ACTR3C: variants seen among roughly 807,000 people sequenced by gnomAD.
ACTR3C encodes the protein actin related protein 3C.
A neutral mutation model predicts 26.3 loss-of-function variants in ACTR3C; 18 were observed. The ratio of observed to expected loss-of-function variants is 0.68; its 90% CI spans 0.47 to 1.01. ACTR3C has a LOEUF of 1.01. Among genes scored for constraint, ACTR3C ranks in the 50% least tolerant of loss-of-function variants. The probability of loss-of-function intolerance (pLI) is 0.00; values close to 1 mark genes in which losing one functional copy is unlikely to be tolerated. For synonymous variants in ACTR3C, 55 were observed against 94.5 expected (o/e 0.58, Z 2.42); for missense variants, 184 against 250.7 (o/e 0.73, Z 1.80).
chr7:150,053,707 CAG>C, the ACTR3C span, among the ~76,000 whole-genome samples: 1 of 152,258 alleles, frequency 6.6e-6, no homozygotes, highest in African/African-American at 2.4e-5. Flanking sequence ...GCAAAACAAA[CAG>C]AGCCAGTGTC....
chr7:149,966,939 G>A, the ACTR3C span, among the ~76,000 whole-genome samples: 1 of 150,124 alleles, frequency 6.7e-6, no homozygotes, highest in Non-Finnish European at 1.5e-5. Flanking sequence ...TCGGCTCACT[G>A]CAACCTCCAC....
the ACTR3C span, among the ~76,000 whole-genome samples, chr7:150,224,919 C>T: frequency 1.3e-5 from 2 of 151,874 alleles, no homozygotes; most frequent in Non-Finnish European, 2.9e-5. Flanking sequence ...CAATACTACT[C>T]TTATTTATTT....
the ACTR3C span, among the ~76,000 whole-genome samples, chr7:150,165,092 T>G: frequency 8.3e-4 from 127 of 152,308 alleles, no homozygotes; most frequent in Middle Eastern, 6.8e-3. Flanking sequence ...GCCAAGCTAA[T>G]TTGGCACCAT....
At chr7:150,105,289 A>G in the ACTR3C span, among the ~76,000 whole-genome samples, 1 of 151,682 alleles carries the variant, frequency 6.6e-6, no homozygotes, top group African/African-American at 2.4e-5. Context: ...TCACCGTGTT[A>G]GACAGGATGG....
At chr7:149,969,406 C>A in the ACTR3C span, among the ~76,000 whole-genome samples, 1 of 151,938 alleles carries the variant, frequency 6.6e-6, no homozygotes, top group Non-Finnish European at 1.5e-5. Context: ...CAGTCCTGGG[C>A]TGGACTACAG....
chr7:150,221,015 T>G, the ACTR3C span, among the ~76,000 whole-genome samples: 1 of 152,284 alleles, frequency 6.6e-6, no homozygotes, highest in African/African-American at 2.4e-5. Context: ...CAGGAACCAC[T>G]GCACAGGCGA....
At chr7:150,227,701 G>GTTTTTTTTTTTT in the ACTR3C span, among the ~76,000 whole-genome samples, 1 of 94,244 alleles carries the variant, frequency 1.1e-5, no homozygotes, top group Non-Finnish European at 2.2e-5. Flanking sequence ...TTTTTTTTTT[G>GTTTTTTTTTTTT]TTTTTTTTTT....
At chr7:150,183,684 A>T in the ACTR3C span, among the ~76,000 whole-genome samples, 2 of 135,110 alleles carry the variant, frequency 1.5e-5, no homozygotes, top group Non-Finnish European at 3.1e-5. Flanking sequence ...CCAAAGTTAC[A>T]GGTGGCTATG....
At chr7:150,283,719 T>C (rs1043738344) in intron 6 of ACTR3C, among the ~76,000 whole-genome samples, 1 of 151,934 alleles carries the variant, frequency 6.6e-6, no homozygotes, top group Non-Finnish European at 1.5e-5. Context: ...AGCTACATAG[T>C]ATTCCACGGC....
chr7:150,079,901 C>T, the ACTR3C span, among the ~76,000 whole-genome samples: 7 of 152,150 alleles, frequency 4.6e-5, no homozygotes, highest in Non-Finnish European at 8.8e-5. Context: ...CCATGTGTTA[C>T]GTAGCAGGTC....
chr7:150,180,041 C>T, the ACTR3C span, among the ~76,000 whole-genome samples: 1 of 151,144 alleles, frequency 6.6e-6, no homozygotes, highest in Non-Finnish European at 1.5e-5. Flanking sequence ...CGCAGTGGCT[C>T]ATGCCTGTAA....
chr7:149,931,141 T>C, the ACTR3C span, among the ~76,000 whole-genome samples: 17 of 152,240 alleles, frequency 1.1e-4, no homozygotes, highest in African/African-American at 4.1e-4. Flanking sequence ...GCTGGGATTA[T>C]AGGCATGAGC....
the ACTR3C span, among the ~76,000 whole-genome samples, chr7:149,948,087 T>C: frequency 3.5e-5 from 5 of 143,112 alleles, no homozygotes; most frequent in Non-Finnish European, 1.5e-5. Context: ...CAGGGCATTC[T>C]CAGCAGGCGT....
At chr7:150,044,517 G>C in the ACTR3C span, among the ~76,000 whole-genome samples, 4 of 152,150 alleles carry the variant, frequency 2.6e-5, no homozygotes, top group Non-Finnish European at 5.9e-5. Flanking sequence ...CTTTCCTGTG[G>C]AGCCACACAG....
chr7:149,997,740 C>T, the ACTR3C span, among the ~76,000 whole-genome samples: 5 of 150,014 alleles, frequency 3.3e-5, no homozygotes, highest in East Asian at 8.5e-4. Flanking sequence ...AAAATATGTG[C>T]CTATCTTCCT....
At chr7:150,237,550 C>T in the ACTR3C span, among the ~76,000 whole-genome samples, 1 of 152,140 alleles carries the variant, frequency 6.6e-6, no homozygotes, top group Non-Finnish European at 1.5e-5. Flanking sequence ...TATTGGCTTC[C>T]CTTACCTTCC....
chr7:149,907,474 TCTCTTCTCTC>T, the ACTR3C span, among the ~76,000 whole-genome samples: 67 of 80,744 alleles, frequency 8.3e-4, 2 homozygotes, highest in South Asian at 1.4e-3. Context: ...TTGCCTCTCT[TCTCTTCTCTC>T]TCTCTCTCTC....
chr7:150,193,408 C>CTTTTTTTTTTTTTTTTTTT, the ACTR3C span, among the ~76,000 whole-genome samples: 1 of 133,472 alleles, frequency 7.5e-6, no homozygotes, highest in African/African-American at 2.7e-5. Flanking sequence ...TTTTTATTTT[C>CTTTTTTTTTTTTTTTTTTT]TTTTTTTTTT....
At chr7:149,930,560 A>C in the ACTR3C span, among the ~76,000 whole-genome samples, 1 of 152,130 alleles carries the variant, frequency 6.6e-6, no homozygotes, top group Admixed American at 6.5e-5. Context: ...TCAATGCAGC[A>C]CATACCACGC....
Sources: allele counts gnomAD v4.1 joint callset (sites outside exome capture counted in the v4.1 genomes callset), GRCh38; gene constraint gnomAD v4.1.1; transcripts MANE v1.5; gene names NCBI Gene and HGNC (gene_info 2026-07-23, HGNC 2026-07-21).